Variants in SAP130 observed in about 807,000 individuals in gnomAD.
SAP130 encodes Sin3A associated protein 130, also known as histone deacetylase complex subunit SAP130.
SAP130 carries 16 observed loss-of-function variants against 103.2 expected under a neutral mutation model. That is an observed-to-expected ratio of 0.16 (90% CI 0.10 to 0.24). The LOEUF is 0.24. Ranked by LOEUF, SAP130 falls within the 10% of genes least tolerant of loss-of-function variation. The probability of loss-of-function intolerance (pLI) is 1.00; values close to 1 mark genes in which losing one functional copy is unlikely to be tolerated. For missense variants in SAP130, 990 were observed against 1,359.7 expected (o/e 0.73, Z 4.28); for synonymous variants, 477 against 497.0 (o/e 0.96, Z 0.53).
At chr2:127,967,184 T>C (rs991724709) in intron 15 of SAP130, among the ~76,000 whole-genome samples, 6 of 152,232 alleles carry the variant, frequency 3.9e-5, no homozygotes, top group African/African-American at 1.4e-4. Flanking sequence ...TAGAGCTCTG[T>C]TGTGTGACAC....
At chr2:127,949,773 G>T in intron 18 of SAP130, 96 bp downstream of exon 18, 1 of 1,329,036 alleles carries the variant, frequency 7.5e-7, no homozygotes, top group Non-Finnish European at 1.0e-6. Flanking sequence ...TGGTTTTTTT[G>T]AAACCGGAAA....
chr2:127,986,923 G>C lies in SAP130; in HGVS notation c.1820C>G (p.Pro607Arg). ...AGCAGCACTGAATGGATTGCTAATA[G>C]GGTTGGCCACAATTGTGGCTCCATC... ...LADGATIVAN[P>R]ISNPFSAAPA... Residue 607 changes from proline (P) to arginine (R), a missense_variant, in exon 14 of 21, where the codon CCT becomes CGT. By Grantham distance (103) the Pro-to-Arg change is moderately radical. Around this residue, in one of 6 missense-constraint regions of SAP130, gnomAD observed 349 missense variants for 384.1 expected, o/e 0.91. Coordinates refer to ENST00000643581, the MANE Select transcript of SAP130 (RefSeq NM_001330301.2). The surrounding 1 kb of genome is among the most constrained non-coding windows in gnomAD (Gnocchi z 4.7). The C allele has an allele frequency of 6.2e-7, 1 of 1,614,010 alleles. No homozygotes were observed. The highest frequency in any genetic ancestry group is 8.5e-7 in the Non-Finnish European group (1 of 1,179,892).
chr2:128,018,447 T>TGCACTCTA (rs929897453), intron 2 of SAP130, among the ~76,000 whole-genome samples: 2 of 127,416 alleles, frequency 1.6e-5, no homozygotes, highest in African/African-American at 3.2e-5. Context: ...ATTCCGTCAC[T>TGCACTCTA]GCACTCTAGC....
At chr2:127,960,354 G>A (rs912529240) in intron 15 of SAP130, among the ~76,000 whole-genome samples, 7 of 152,124 alleles carry the variant, frequency 4.6e-5, no homozygotes, top group Non-Finnish European at 1.0e-4. Flanking sequence ...GACAGGCACC[G>A]ATACAGACTG....
rs552879291 is a variant in SAP130 at position 128,022,360 on chromosome 2, T to G, written c.112+3821A>C. On this transcript the variant is annotated intron_variant, in intron 2 of 20. Transcript: ENST00000643581. ...CAACAATTTGCTTATCCTGTCACCA[T>G]CTGATAGACATTTGGTGAGAACCCT... Among the ~76,000 whole-genome samples the G allele has an allele frequency of 2.0e-5, 3 of 152,376 alleles. No individual in the cohort carries two copies. In the East Asian group the frequency reaches 5.8e-4, roughly 29 times the overall value.
In SAP130 at chr2:128,028,058, C is replaced by G. The variant is rs1173727598; in HGVS notation, c.-125G>C. 2.5e-6 allele frequency: 2 copies of G among 813,602 alleles called. No homozygotes were observed. Among genetic ancestry groups the G allele is most frequent in the East Asian group, 1.2e-4 (1 of 8,080 alleles). 50.4% of individuals were successfully genotyped at this position (813,602 alleles called of 1,614,324 possible). A position where few individuals can be genotyped will look rare whatever the true frequency, so the allele number is the denominator to read the frequency against. On this transcript the variant is annotated 5_prime_UTR_variant, in exon 1 of 21. Coordinates refer to ENST00000643581, the MANE Select transcript of SAP130 (RefSeq NM_001330301.2). Reference sequence around the variant, plus strand: ...CAGCCACCGCCGGGGAGCTAGCACTCTGCCCCCCACCCCTCACTCCAGCGC... The same window carrying G: ...CAGCCACCGCCGGGGAGCTAGCACTGTGCCCCCCACCCCTCACTCCAGCGC...
intron 15 of SAP130, among the ~76,000 whole-genome samples, chr2:127,976,410 T>C (rs562360178): frequency 6.6e-6 from 1 of 152,366 alleles, no homozygotes; most frequent in African/African-American, 2.4e-5. Context: ...TGAAAGGGAA[T>C]GGACACATTA....
At chr2:127,977,455 G>A (rs995402214) in intron 15 of SAP130, among the ~76,000 whole-genome samples, 8 of 151,836 alleles carry the variant, frequency 5.3e-5, no homozygotes, top group Non-Finnish European at 1.2e-4. Flanking sequence ...AGCCGAGATA[G>A]TGCCACTGCA....
At chr2:127,967,883 T>C (rs1477749643) in intron 15 of SAP130, among the ~76,000 whole-genome samples, 1 of 152,166 alleles carries the variant, frequency 6.6e-6, no homozygotes, top group Admixed American at 6.5e-5. Flanking sequence ...GGATAGACCA[T>C]ATGTTAGGTC....
At chr2:127,985,989 C>T (rs1426697792) in intron 14 of SAP130, among the ~76,000 whole-genome samples, 1 of 152,176 alleles carries the variant, frequency 6.6e-6, no homozygotes, top group Non-Finnish European at 1.5e-5. Flanking sequence ...CCAGGGCAGT[C>T]AAGAGAGCTG....
chr2:127,999,170 G>A (rs1158369401), intron 10 of SAP130, among the ~76,000 whole-genome samples: 2 of 152,190 alleles, frequency 1.3e-5, no homozygotes, highest in Admixed American at 6.5e-5. Flanking sequence ...TTAAGGGCTG[G>A]TGTAGGCTGG....
chr2:127,962,531 T>A (rs1573666777), intron 15 of SAP130, among the ~76,000 whole-genome samples: 2 of 152,154 alleles, frequency 1.3e-5, no homozygotes, highest in Non-Finnish European at 1.5e-5. Flanking sequence ...ATATACACCA[T>A]GGAATACTAT....
chr2:128,025,994 T>G (rs1005940718), intron 2 of SAP130, among the ~76,000 whole-genome samples, 187 bp downstream of exon 2: 2 of 152,212 alleles, frequency 1.3e-5, no homozygotes, highest in African/African-American at 4.8e-5. Flanking sequence ...GTACTCTATG[T>G]GAATGAAGTG....
chr2:127,941,941 A>AACATCC lies in SAP130; in HGVS notation c.*64_*65insGGATGT. 1 of 276,732 alleles carries AACATCC rather than the reference A, an allele frequency of 3.6e-6. No homozygotes were observed. Among genetic ancestry groups the AACATCC allele is most frequent in the Non-Finnish European group, 6.9e-6 (1 of 145,392 alleles). 17.1% of individuals were successfully genotyped at this position (276,732 alleles called of 1,614,324 possible). The stretch of plus-strand genomic sequence containing the variant: ...ATGTTCCACTTTGGAAAAAACCAAA[A>AACATCC]CCCTCCCCCCACCCCCACCATCATT... On this transcript the variant is annotated 3_prime_UTR_variant, in exon 21 of 21. Transcript: ENST00000643581.
At chr2:127,993,380 AGTTCCTCTTT>A in intron 11 of SAP130, 72 bp from the exon 12 acceptor site, 1 of 1,482,790 alleles carries the variant, frequency 6.7e-7, no homozygotes, top group Non-Finnish European at 9.0e-7. Context: ...CCTATACCCC[AGTTCCTCTTT>A]GTGTCCTTCA....
chr2:127,946,577 A>G (rs551300797), intron 18 of SAP130, among the ~76,000 whole-genome samples: 3 of 152,116 alleles, frequency 2.0e-5, no homozygotes, highest in Admixed American at 6.5e-5. Context: ...ACCTGTGACT[A>G]TAACTATATT....
intron 6 of SAP130, among the ~76,000 whole-genome samples, chr2:128,011,683 C>G (rs986902784): frequency 3.3e-5 from 5 of 152,222 alleles, no homozygotes; most frequent in African/African-American, 1.2e-4. Context: ...GTAGGCTAGA[C>G]AGATACTACC....
rs759269547 is a variant in SAP130 at position 127,945,408 on chromosome 2, TC to T, written c.2901+47del. 5.3e-6 allele frequency: 6 copies of T among 1,124,346 alleles called. No homozygotes were observed. The East Asian group carries it at 1.4e-4, about 26-fold the overall frequency. The allele number at this position is 1,124,346 out of a possible 1,614,324, so 69.6% of individuals were successfully genotyped here. A position where few individuals can be genotyped will look rare whatever the true frequency, so the allele number is the denominator to read the frequency against. ...TCTATGAACTCAGCTATCTGCAGTG[TC>T]TTCTCCTCTCTTCAGCATGATGAAC... is the stretch of plus-strand genomic sequence containing the variant. On this transcript the variant is annotated intron_variant, in intron 19 of 20. Coordinates refer to ENST00000643581, the MANE Select transcript of SAP130 (RefSeq NM_001330301.2).
At chr2:127,980,733 C>T (rs954789923) in intron 14 of SAP130, among the ~76,000 whole-genome samples, 7 of 152,066 alleles carry the variant, frequency 4.6e-5, no homozygotes, top group African/African-American at 9.6e-5. Context: ...TGCTTCAGCC[C>T]GGGAGTTCGA....
Sources: allele counts gnomAD v4.1 joint callset (sites outside exome capture counted in the v4.1 genomes callset), GRCh38; gene constraint gnomAD v4.1.1; regional missense constraint gnomAD v4.1.1; non-coding constraint Gnocchi (gnomAD v3.1); transcripts MANE v1.5; gene names NCBI Gene and HGNC (gene_info 2026-07-23, HGNC 2026-07-21).